Variants in TPTE observed in about 807,000 individuals in gnomAD.
The protein encoded by TPTE is transmembrane phosphatase with tensin homology.
A neutral mutation model predicts 84.1 loss-of-function variants in TPTE; 59 were observed. That is an observed-to-expected ratio of 0.70 (90% CI 0.57 to 0.87). TPTE has a LOEUF of 0.87. TPTE is among the 40% of genes least tolerant of loss of function. TPTE has a pLI of 0.00. For missense variants in TPTE, 382 were observed against 659.6 expected (o/e 0.58, Z 4.61); for synonymous variants, 130 against 223.5 (o/e 0.58, Z 3.73).
At chr21:10,561,491 CAAAAA>C (rs201158290) in intron 10 of TPTE, among the ~76,000 whole-genome samples, 2 of 101,044 alleles carry the variant, frequency 2.0e-5, no homozygotes. Flanking sequence ...GACTCCATCT[CAAAAA>C]AAAAAAAAAA....
At chr21:10,522,188 C>G (rs766981082) in intron 1 of TPTE, among the ~76,000 whole-genome samples, 1 of 152,300 alleles carries the variant, frequency 6.6e-6, no homozygotes, top group African/African-American at 2.4e-5. Flanking sequence ...TGCTTTCTAG[C>G]CGCTCCTCTA....
chr21:10,564,807 A>G (rs1401557252), intron 10 of TPTE, among the ~76,000 whole-genome samples: 1 of 152,306 alleles, frequency 6.6e-6, no homozygotes, highest in African/African-American at 2.4e-5. Context: ...ACATCCCTTC[A>G]TGGTAAACAC....
At chr21:10,577,010 A>C (rs1176043930) in intron 14 of TPTE, among the ~76,000 whole-genome samples, 1 of 152,266 alleles carries the variant, frequency 6.6e-6, no homozygotes, top group African/African-American at 2.4e-5. Context: ...ACACATACAC[A>C]CAATCATACT....
At chr21:10,564,030 C>T (rs143823631) in intron 10 of TPTE, among the ~76,000 whole-genome samples, 12,796 of 145,966 alleles carry the variant, frequency 0.088, 5 homozygotes, top group African/African-American at 0.21. Context: ...GGTGCGCACC[C>T]GTAGTCCCAG....
intron 5 of TPTE, among the ~76,000 whole-genome samples, chr21:10,542,074 GCT>G (rs1399542678): frequency 1.3e-5 from 2 of 152,310 alleles, no homozygotes; most frequent in Non-Finnish European, 1.5e-5. Flanking sequence ...GAATAAGAGG[GCT>G]GACTACCTAC....
In TPTE at chr21:10,538,696, A is replaced by G. The variant is rs1291588982; in HGVS notation, c.-28A>G. The stretch of plus-strand genomic sequence containing the variant: ...CATCCTCTAGTCCACCCACAAATGA[A>G]TTATCAGGAGTGAACCCAGAGGCAC... On this transcript the variant is annotated 5_prime_UTR_variant, in exon 4 of 24. Coordinates refer to ENST00000618007, the MANE Select transcript of TPTE (RefSeq NM_199261.4). 2 of 1,614,076 alleles carry G rather than the reference A, an allele frequency of 1.2e-6. No individual in the cohort carries two copies. The highest frequency in any genetic ancestry group is 1.7e-5 in the Admixed American group (1 of 60,030).
intron 4 of TPTE, chr21:10,540,870 G>A (rs2074356725): frequency 6.1e-6 from 4 of 657,896 alleles, no homozygotes; most frequent in Non-Finnish European, 1.1e-5. Flanking sequence ...ACCTTGAGGT[G>A]TAGATACCCT....
chr21:10,563,223 A>T (rs1256356565), intron 10 of TPTE, among the ~76,000 whole-genome samples: 1 of 152,312 alleles, frequency 6.6e-6, no homozygotes, highest in African/African-American at 2.4e-5. Context: ...GGATTTTGTC[A>T]ACACCAGACC....
chr21:10,522,957 G>T (rs1429291060), intron 1 of TPTE, among the ~76,000 whole-genome samples: 2 of 152,308 alleles, frequency 1.3e-5, no homozygotes, highest in African/African-American at 4.8e-5. Flanking sequence ...CCTATAAAAT[G>T]ATAGCTTGAG....
intron 3 of TPTE, among the ~76,000 whole-genome samples, chr21:10,532,067 C>T (rs943741429): frequency 6.6e-6 from 1 of 152,300 alleles, no homozygotes; most frequent in African/African-American, 2.4e-5. Flanking sequence ...ATTAATGGAG[C>T]CTTTATATGT....
chr21:10,594,627 A>T (rs1295641678), intron 19 of TPTE, among the ~76,000 whole-genome samples: 1 of 152,306 alleles, frequency 6.6e-6, no homozygotes, highest in Non-Finnish European at 1.5e-5. Context: ...ACGGGATGCT[A>T]GACGGAGCTC....
intron 7 of TPTE, among the ~76,000 whole-genome samples, chr21:10,548,515 G>A (rs2074513752): frequency 6.6e-6 from 1 of 152,308 alleles, no homozygotes; most frequent in Admixed American, 6.5e-5. Context: ...TCCCCTGGCA[G>A]GCACCACCCA....
chr21:10,542,587 C>CCATT (rs1175745722), intron 6 of TPTE, 139 bp downstream of exon 6: 3 of 1,188,126 alleles, frequency 2.5e-6, no homozygotes, highest in Middle Eastern at 2.1e-4. Context: ...ATCCATCCAT[C>CCATT]CATTCATCCA....
intron 3 of TPTE, among the ~76,000 whole-genome samples, chr21:10,537,880 C>CA (rs1211258901): frequency 2.4e-4 from 36 of 152,274 alleles, no homozygotes; most frequent in African/African-American, 5.8e-4. Context: ...AATGGAAAAA[C>CA]AAAAAACTTT....
chr21:10,542,563 TCATCCATCCATC>T (rs1242680334), intron 6 of TPTE, 115 bp downstream of exon 6: 15 of 822,028 alleles, frequency 1.8e-5, no homozygotes, highest in African/African-American at 6.2e-5. Flanking sequence ...ATCCATCCAT[TCATCCATCCATC>T]CATCCATCCA....
chr21:10,538,878 C>G (rs1292445800), intron 4 of TPTE, 144 bp downstream of exon 4: 5 of 1,560,140 alleles, frequency 3.2e-6, no homozygotes, highest in East Asian at 4.5e-5. Flanking sequence ...CATCCACTAA[C>G]AAATCCATGC....
rs2074316094 is a variant in TPTE, at chr21:10,538,866, C to A, written c.11+132C>A. ...TCCATCCGTACACACTTCTCTCAAA[C>A]ACATCCACTAACAAATCCATGCATA... is the stretch of plus-strand genomic sequence containing the variant. On this transcript the variant is annotated intron_variant, in intron 4 of 23. Coordinates refer to ENST00000618007, the MANE Select transcript of TPTE (RefSeq NM_199261.4). 6 of 1,588,280 alleles carry A rather than the reference C, an allele frequency of 3.8e-6. No individual in the cohort carries two copies. The Admixed American group carries it at 6.8e-5, about 18-fold the overall frequency.
At chr21:10,551,133 G>A (rs531332430) in intron 7 of TPTE, among the ~76,000 whole-genome samples, 29 of 152,406 alleles carry the variant, frequency 1.9e-4, no homozygotes, top group Admixed American at 1.4e-3. Context: ...AGCTTCATCC[G>A]TGTCCCTACA....
At chr21:10,525,618 A>G (rs2074064173) in intron 2 of TPTE, among the ~76,000 whole-genome samples, 1 of 152,306 alleles carries the variant, frequency 6.6e-6, no homozygotes, top group South Asian at 2.1e-4. Flanking sequence ...GGTGTAGCTA[A>G]CCTTCAGCTA....
Sources: allele counts gnomAD v4.1 joint callset (sites outside exome capture counted in the v4.1 genomes callset), GRCh38; gene constraint gnomAD v4.1.1; transcripts MANE v1.5; gene names NCBI Gene and HGNC (gene_info 2026-07-23, HGNC 2026-07-21).